WASF3: variants seen among roughly 807,000 people sequenced by gnomAD.
WASF3 encodes WASP family member 3, also known as actin-binding protein WASF3.
A neutral mutation model predicts 46.6 loss-of-function variants in WASF3; 11 were observed. The observed-to-expected ratio is 0.24, with a 90% confidence interval of 0.15 to 0.39. The LOEUF is 0.39. Among genes scored for constraint, WASF3 ranks in the 10% least tolerant of loss-of-function variants. The pLI, the probability that WASF3 is intolerant of heterozygous loss-of-function variation, is 1.00. For missense variants in WASF3, 576 were observed against 669.8 expected, an observed-to-expected ratio of 0.86 and a Z score of 1.55; for synonymous variants, 242 against 259.7, an observed-to-expected ratio of 0.93 and a Z score of 0.65.
intron 4 of WASF3, among the ~76,000 whole-genome samples, chr13:26,666,638 G>A (rs866693616): frequency 6.6e-6 from 1 of 152,134 alleles, no homozygotes; most frequent in African/African-American, 2.4e-5. Context: ...GGTGGCTCAC[G>A]CCTGTAATCC....
Position 26,686,030 on chromosome 13 carries a change from T to A in WASF3, c.*185T>A. The A allele has an allele frequency of 2.9e-6, 2 of 688,654 alleles. No homozygotes were observed. Among genetic ancestry groups the A allele is most frequent in the African/African-American group, 1.8e-5 (1 of 56,004 alleles). The allele number at this position is 688,654 out of a possible 1,614,324, so 42.7% of individuals were successfully genotyped here. The stretch of plus-strand genomic sequence containing the variant: ...TTACTGTGTAATACTTAAGTGCCAC[T>A]AAACATAGCAAATTGTGCTGCACAT... On this transcript the variant is annotated 3_prime_UTR_variant, in exon 10 of 10. Coordinates refer to ENST00000335327, the MANE Select transcript of WASF3 (RefSeq NM_006646.6).
intron 2 of WASF3, among the ~76,000 whole-genome samples, chr13:26,617,879 G>A (rs966025570): frequency 6.6e-6 from 1 of 152,100 alleles, no homozygotes; most frequent in Non-Finnish European, 1.5e-5. Flanking sequence ...CATGAGATCT[G>A]ATGATTTTTT....
At chr13:26,639,992 C>T (rs1014520751) in intron 2 of WASF3, 1 of 152,258 alleles carries the variant, frequency 6.6e-6, no homozygotes, top group Admixed American at 6.6e-5. Context: ...GGGTGATGTG[C>T]AGGTGGGTAG....
intron 7 of WASF3, chr13:26,680,168 C>T (rs1359680926): frequency 6.3e-6 from 10 of 1,592,652 alleles, no homozygotes; most frequent in Non-Finnish European, 8.5e-6. Flanking sequence ...CTGGAGCAGG[C>T]AGGGAGCGCC....
At chr13:26,590,843 G>A (rs1880269949) in intron 1 of WASF3, among the ~76,000 whole-genome samples, 1 of 152,090 alleles carries the variant, frequency 6.6e-6, no homozygotes. Flanking sequence ...GGGAGAATTG[G>A]GCAGTAAAGG....
chr13:26,652,242 G>C (rs1327481728), intron 3 of WASF3, among the ~76,000 whole-genome samples: 1 of 152,176 alleles, frequency 6.6e-6, no homozygotes, highest in Non-Finnish European at 1.5e-5. Flanking sequence ...AAGCTGGTGT[G>C]GTTTTGTGAA....
chr13:26,674,941 C>T (rs545900726), intron 6 of WASF3, among the ~76,000 whole-genome samples: 9 of 152,344 alleles, frequency 5.9e-5, no homozygotes, highest in African/African-American at 1.9e-4. Context: ...TACATCGTCT[C>T]ATATGCTTAT....
At chr13:26,561,322 G>A (rs976737880) in intron 1 of WASF3, among the ~76,000 whole-genome samples, 1 of 152,118 alleles carries the variant, frequency 6.6e-6, no homozygotes, top group Non-Finnish European at 1.5e-5. Flanking sequence ...TTGGTCATTG[G>A]CCGTGTGTGT....
At chr13:26,680,192 T>C (rs760523445) in intron 7 of WASF3, 1 of 1,571,650 alleles carries the variant, frequency 6.4e-7, no homozygotes, top group Non-Finnish European at 8.6e-7. Flanking sequence ...GAGGACAGAG[T>C]GCCCAGCGGG....
chr13:26,551,035 G>A, the WASF3 span, among the ~76,000 whole-genome samples: 2 of 152,174 alleles, frequency 1.3e-5, no homozygotes, highest in African/African-American at 4.8e-5. Flanking sequence ...TGGATCGTGG[G>A]GGCAGATTTC....
At chr13:26,675,650 C>CTCTGTGTGTGTGTGTGTGTGTG (rs1555255547) in intron 6 of WASF3, among the ~76,000 whole-genome samples, 6 of 146,980 alleles carry the variant, frequency 4.1e-5, no homozygotes, top group Non-Finnish European at 7.5e-5. Flanking sequence ...GATGCCATGT[C>CTCTGTGTGTGTGTGTGTGTGTG]TGTGTGTGTG....
intron 3 of WASF3, 33 bp downstream of exon 3, chr13:26,642,436 T>C: frequency 6.4e-7 from 1 of 1,554,860 alleles, no homozygotes; most frequent in South Asian, 1.2e-5. Context: ...ACCAATGACA[T>C]TAACTTTTTG....
At chr13:26,648,069 C>A (rs1055796816) in intron 3 of WASF3, among the ~76,000 whole-genome samples, 1 of 151,962 alleles carries the variant, frequency 6.6e-6, no homozygotes, top group Non-Finnish European at 1.5e-5. Context: ...TGTGGGGGAA[C>A]GCTATTATAA....
intron 2 of WASF3, chr13:26,638,484 A>T (rs1194101057): frequency 6.6e-6 from 1 of 152,252 alleles, no homozygotes; most frequent in Non-Finnish European, 1.5e-5. Context: ...CTTCACAGAC[A>T]GACTGACTTT....
At chr13:26,610,676 GGACAGTAGCC>G (rs1880946780) in intron 1 of WASF3, among the ~76,000 whole-genome samples, 1 of 152,142 alleles carries the variant, frequency 6.6e-6, no homozygotes. Context: ...TTCTGCTTCT[GGACAGTAGCC>G]ACAGGAGAGC....
Position 26,682,539 on chromosome 13 carries a change from T to G in WASF3, c.984-68T>G. The G allele has an allele frequency of 6.2e-7, 1 of 1,600,370 alleles. No homozygotes were observed. Among genetic ancestry groups the G allele is most frequent in the Non-Finnish European group, 8.5e-7 (1 of 1,172,832 alleles). On this transcript the variant is annotated intron_variant, in intron 8 of 9. Coordinates refer to ENST00000335327, the MANE Select transcript of WASF3 (RefSeq NM_006646.6). This position sits in a 1 kb window ranked among gnomAD's most constrained non-coding sequence, Gnocchi z 4.4. The stretch of plus-strand genomic sequence containing the variant: ...TGTCTGGGGATGGCTCCGTTAGGTG[T>G]CTAAGAGCTCCCAGGACGTGACCCT...
chr13:26,659,027 A>G (rs566126537), intron 3 of WASF3, among the ~76,000 whole-genome samples: 2 of 152,368 alleles, frequency 1.3e-5, no homozygotes, highest in South Asian at 4.1e-4. Flanking sequence ...GGTGGGAGAC[A>G]GATGAGAAAC....
intron 1 of WASF3, chr13:26,577,096 C>A: frequency 1.3e-6 from 1 of 793,058 alleles, no homozygotes. Flanking sequence ...TGAAGTGAGT[C>A]TTGCTGATTT....
At chr13:26,549,667 C>T in the WASF3 span, among the ~76,000 whole-genome samples, 1 of 152,088 alleles carries the variant, frequency 6.6e-6, no homozygotes, top group Non-Finnish European at 1.5e-5. Flanking sequence ...ACTCATCTGT[C>T]AAATATCCTT....
Sources: allele counts gnomAD v4.1 joint callset (sites outside exome capture counted in the v4.1 genomes callset), GRCh38; gene constraint gnomAD v4.1.1; non-coding constraint Gnocchi (gnomAD v3.1); transcripts MANE v1.5; gene names NCBI Gene and HGNC (gene_info 2026-07-23, HGNC 2026-07-21).